Variants in ZNF385D observed in about 807,000 individuals in gnomAD.
ZNF385D encodes the protein zinc finger protein 659.
ZNF385D carries 15 observed loss-of-function variants against 35.8 expected under a neutral mutation model. That is an observed-to-expected ratio of 0.42 (90% confidence interval 0.28 to 0.64). ZNF385D has a LOEUF of 0.64. Among genes scored for constraint, ZNF385D ranks in the 30% least tolerant of loss-of-function variants. The probability of loss-of-function intolerance (pLI) is 0.23; values close to 1 mark genes in which losing one functional copy is unlikely to be tolerated. For synonymous variants in ZNF385D, 212 were observed against 186.8 expected, an observed-to-expected ratio of 1.13 and a Z score of -1.10; for missense variants, 474 against 494.6, an observed-to-expected ratio of 0.96 and a Z score of 0.39.
intron 2 of ZNF385D, among the ~76,000 whole-genome samples, chr3:22,365,735 T>C (rs569565254): frequency 6.6e-6 from 1 of 152,076 alleles, no homozygotes; most frequent in Non-Finnish European, 1.5e-5. Context: ...TGATATAGTT[T>C]CTTTTGTACT....
intron 1 of ZNF385D, among the ~76,000 whole-genome samples, chr3:21,703,329 C>A (rs564044813): frequency 6.6e-6 from 1 of 152,168 alleles, no homozygotes; most frequent in Admixed American, 6.5e-5. Flanking sequence ...GAAAGAACAG[C>A]CCCCATGATT....
chr3:22,324,317 A>G (rs1028729336), intron 2 of ZNF385D, among the ~76,000 whole-genome samples: 2 of 152,192 alleles, frequency 1.3e-5, no homozygotes, highest in East Asian at 1.9e-4. Context: ...ATTAAGCAGT[A>G]GAACAACAAC....
chr3:21,893,711 A>C (rs1460289571), intron 3 of ZNF385D, among the ~76,000 whole-genome samples: 1 of 152,178 alleles, frequency 6.6e-6, no homozygotes, highest in Admixed American at 6.5e-5. Context: ...AGAATTGGCA[A>C]CAAGGAGAAT....
rs978428112 is a variant in ZNF385D at position 22,255,483 on chromosome 3, A to G, written c.107-86448T>C. On this transcript the variant is annotated intron_variant, in intron 2 of 5. Coordinates refer to the ZNF385D transcript ENST00000494108. ...CAAGTCTAGATAAATCTTACTGGAT[A>G]TATCTCTTTGTAAACATTTCAATTA... 5.3e-5 allele frequency among the ~76,000 whole-genome samples: 8 copies of G among 151,898 alleles called. No individual in the cohort carries two copies. The East Asian group carries it at 5.8e-4, about 11-fold the overall frequency.
intron 3 of ZNF385D, among the ~76,000 whole-genome samples, chr3:22,061,497 G>C (rs1699684637): frequency 6.6e-6 from 1 of 151,986 alleles, no homozygotes; most frequent in Non-Finnish European, 1.5e-5. Flanking sequence ...ACTCTTAAAA[G>C]TATACCAGAT....
intron 4 of ZNF385D, among the ~76,000 whole-genome samples, chr3:21,480,172 G>A (rs964777903): frequency 1.6e-4 from 24 of 146,488 alleles, no homozygotes; most frequent in African/African-American, 6.0e-4. Flanking sequence ...GCACGACCTC[G>A]GCTCACTGCA....
intron 2 of ZNF385D, among the ~76,000 whole-genome samples, chr3:22,274,728 C>A (rs1395129836): frequency 1.3e-5 from 2 of 150,210 alleles, no homozygotes; most frequent in Non-Finnish European, 3.0e-5. Flanking sequence ...ATAATCTTTT[C>A]TATTTAATCT....
At chr3:21,570,459 C>T (rs997155259) in intron 2 of ZNF385D, among the ~76,000 whole-genome samples, 3 of 152,190 alleles carry the variant, frequency 2.0e-5, no homozygotes, top group Non-Finnish European at 4.4e-5. Flanking sequence ...TCTAAGAGAC[C>T]TCTTCTGTCT....
intron 2 of ZNF385D, among the ~76,000 whole-genome samples, chr3:22,216,673 TG>T (rs1697907751): frequency 6.6e-6 from 1 of 152,144 alleles, no homozygotes; most frequent in African/African-American, 2.4e-5. Flanking sequence ...GAAGATGGAA[TG>T]TCATGTAGTA....
chr3:22,328,787 G>A (rs1351680557), intron 2 of ZNF385D, among the ~76,000 whole-genome samples: 2 of 146,650 alleles, frequency 1.4e-5, no homozygotes, highest in South Asian at 2.2e-4. Context: ...ATAAAAAAGA[G>A]TTTATTGGCC....
In ZNF385D at chr3:21,493,204, C is replaced by T. The variant is rs566281319; in HGVS notation, c.439+17657G>A. 1.2e-4 allele frequency among the ~76,000 whole-genome samples: 18 copies of T among 152,100 alleles called. No individual in the cohort carries two copies. The South Asian group carries it at 3.7e-3, about 32-fold the overall frequency. On this transcript the variant is annotated intron_variant, in intron 4 of 7. Coordinates refer to ENST00000281523, the MANE Select transcript of ZNF385D (RefSeq NM_024697.3). ...ACTGAAAATAACAAGAAGGCAGATG[C>T]TAAGTCACCAACATATTTTTTCTGT...
chr3:22,189,692 C>G (rs570533517), intron 2 of ZNF385D, among the ~76,000 whole-genome samples: 1 of 152,216 alleles, frequency 6.6e-6, no homozygotes, highest in East Asian at 1.9e-4. Context: ...TGCTCACCAC[C>G]AAAAATCTGA....
chr3:21,794,459 A>C (rs1339957144), intron 3 of ZNF385D, among the ~76,000 whole-genome samples: 1 of 152,136 alleles, frequency 6.6e-6, no homozygotes, highest in Non-Finnish European at 1.5e-5. Context: ...ACAACAAAAC[A>C]CCATAGACTG....
intron 2 of ZNF385D, among the ~76,000 whole-genome samples, chr3:21,570,581 G>A (rs1559417315): frequency 6.6e-6 from 1 of 152,124 alleles, no homozygotes; most frequent in Non-Finnish European, 1.5e-5. Flanking sequence ...TTTTCATCTG[G>A]TATTTGTATG....
chr3:21,563,693 T>C (rs2063038332), intron 3 of ZNF385D, among the ~76,000 whole-genome samples: 1 of 152,144 alleles, frequency 6.6e-6, no homozygotes. Flanking sequence ...GTGTATCAAC[T>C]TAGGACGAGA....
rs373513006 is a variant in ZNF385D, at chr3:21,582,607, AAAGG to A, written c.166-17927_166-17924del. ...GCAAGACGTTCTCAGTTGTGGAGAT[AAAGG>A]AAGGATAAAGTCAAGGATATCTGAT... On this transcript the variant is annotated intron_variant, in intron 2 of 7. Transcript: ENST00000281523. Among the ~76,000 whole-genome samples, 276 of 152,232 alleles carry A rather than the reference AAAGG, an allele frequency of 1.8e-3. 1 individual carries two copies. The highest frequency in any genetic ancestry group is 6.4e-3 in the African/African-American group (264 of 41,566).
chr3:21,637,344 T>A (rs1246948267), intron 2 of ZNF385D, among the ~76,000 whole-genome samples: 1 of 152,158 alleles, frequency 6.6e-6, no homozygotes, highest in East Asian at 1.9e-4. Flanking sequence ...CCAGCACCAT[T>A]TGTTGAAAAG....
chr3:21,761,387 G>C (rs1409729454), intron 3 of ZNF385D, among the ~76,000 whole-genome samples: 1 of 152,106 alleles, frequency 6.6e-6, no homozygotes, highest in East Asian at 1.9e-4. Context: ...ATACATGATG[G>C]AACTTTATAG....
chr3:22,348,379 G>A (rs1695754867), intron 2 of ZNF385D, among the ~76,000 whole-genome samples: 1 of 151,082 alleles, frequency 6.6e-6, no homozygotes, highest in South Asian at 2.1e-4. Flanking sequence ...TGGGTGCCGT[G>A]GCTCATGCCT....
Sources: gnomAD v4.1 joint callset for allele counts (sites outside exome capture counted in the v4.1 genomes callset) on GRCh38, gnomAD v4.1.1 for gene constraint, MANE v1.5 for transcripts, NCBI Gene and HGNC (gene_info 2026-07-23, HGNC 2026-07-21) for gene names.